The following CACNA2D2 variants were observed in gnomAD, a reference collection of about 807,000 sequenced individuals.
CACNA2D2 encodes voltage-dependent calcium channel subunit alpha-2/delta-2.
CACNA2D2 carries 48 observed loss-of-function variants against 166.4 expected under a neutral mutation model. The ratio of observed to expected loss-of-function variants is 0.29; its 90% confidence interval spans 0.23 to 0.37. The LOEUF (loss-of-function observed/expected upper bound fraction) is 0.37. Among genes scored for constraint, CACNA2D2 ranks in the 10% least tolerant of loss-of-function variants. The probability of loss-of-function intolerance (pLI) is 1.00; values close to 1 mark genes in which losing one functional copy is unlikely to be tolerated. For missense variants in CACNA2D2, 1,122 were observed against 1,433.0 expected (o/e 0.78, Z 3.50); for synonymous variants, 561 against 573.7 (o/e 0.98, Z 0.32).
chr3:50,400,350 G>A (rs1706387468), intron 3 of CACNA2D2, among the ~76,000 whole-genome samples: 1 of 152,318 alleles, frequency 6.6e-6, no homozygotes, highest in South Asian at 2.1e-4. Context: ...CTCCAAGCAG[G>A]TGCGTCCACA....
At chr3:50,431,856 G>T (rs963409671) in intron 3 of CACNA2D2, among the ~76,000 whole-genome samples, 6 of 151,500 alleles carry the variant, frequency 4.0e-5, no homozygotes, top group Non-Finnish European at 7.4e-5. Flanking sequence ...ATGGTGGTGG[G>T]CGCCTGTAAT....
chr3:50,415,008 C>T (rs1276158508), intron 3 of CACNA2D2, among the ~76,000 whole-genome samples: 1 of 152,170 alleles, frequency 6.6e-6, no homozygotes, highest in Non-Finnish European at 1.5e-5. Flanking sequence ...CAGCCATGGG[C>T]CCGTCTTTCC....
chr3:50,396,596 G>A (rs1259448943), intron 3 of CACNA2D2, among the ~76,000 whole-genome samples: 3 of 152,278 alleles, frequency 2.0e-5, no homozygotes, highest in South Asian at 4.1e-4. Context: ...GTGACCTTGT[G>A]TAGAGGGCAT....
intron 3 of CACNA2D2, among the ~76,000 whole-genome samples, chr3:50,432,076 A>C (rs1391088522): frequency 6.6e-6 from 1 of 151,996 alleles, no homozygotes; most frequent in Non-Finnish European, 1.5e-5. Flanking sequence ...GTGCAGTGGA[A>C]GGGAGAGACA....
intron 1 of CACNA2D2, among the ~76,000 whole-genome samples, chr3:50,496,292 C>T (rs1465570612): frequency 2.0e-5 from 3 of 151,798 alleles, no homozygotes; most frequent in African/African-American, 7.3e-5. Flanking sequence ...CACGAGAATG[C>T]CCATGCACAC....
At chr3:50,478,255 T>C (rs1040572244) in intron 1 of CACNA2D2, among the ~76,000 whole-genome samples, 2 of 152,046 alleles carry the variant, frequency 1.3e-5, no homozygotes, top group Non-Finnish European at 2.9e-5. Flanking sequence ...CAGCAGAAAA[T>C]TGACAGCCTG....
chr3:50,385,807 G>A (rs754023139), intron 5 of CACNA2D2, among the ~76,000 whole-genome samples: 40 of 152,304 alleles, frequency 2.6e-4, no homozygotes, highest in Middle Eastern at 3.4e-3. Flanking sequence ...CTCACGTTCC[G>A]CTCAGAGGAG....
chr3:50,417,976 T>C (rs1575656452), intron 3 of CACNA2D2, among the ~76,000 whole-genome samples: 1 of 151,876 alleles, frequency 6.6e-6, no homozygotes, highest in Admixed American at 6.5e-5. Context: ...TGTGCTACAG[T>C]GGGAGGAAGA....
chr3:50,404,619 G>T (rs1706605683), intron 3 of CACNA2D2, among the ~76,000 whole-genome samples: 1 of 152,206 alleles, frequency 6.6e-6, no homozygotes, highest in East Asian at 1.9e-4. Context: ...GGCAGGACAT[G>T]GGAGGGTGAC....
At chr3:50,414,209 A>G (rs1026203024) in intron 3 of CACNA2D2, among the ~76,000 whole-genome samples, 1 of 151,794 alleles carries the variant, frequency 6.6e-6, no homozygotes, top group African/African-American at 2.4e-5. Flanking sequence ...GTCATGCCCA[A>G]CCCCCACAGG....
At chr3:50,433,843 C>A (rs1218952101) in intron 3 of CACNA2D2, among the ~76,000 whole-genome samples, 2 of 152,152 alleles carry the variant, frequency 1.3e-5, no homozygotes, top group East Asian at 3.9e-4. Flanking sequence ...GGCAGAGCAG[C>A]CCCCATCCTT....
At chr3:50,374,853 G>A (rs992108213) in intron 21 of CACNA2D2, 40 bp from the exon 22 acceptor site, 14 of 1,474,480 alleles carry the variant, frequency 9.5e-6, no homozygotes, top group South Asian at 4.8e-5. Context: ...GGGGGGAGGC[G>A]GGCCACACTG....
rs587671755 is a variant in CACNA2D2, at chr3:50,388,163, G to A, written c.466-551C>T. ...TGCCTCCCAGCCCTCACCCGCCTGC[G>A]TCTGCCCCGCCTGTCCCTGGCCCAT... On this transcript the variant is annotated intron_variant, in intron 4 of 37. Coordinates refer to ENST00000424201, the MANE Select transcript of CACNA2D2 (RefSeq NM_006030.4). Among the ~76,000 whole-genome samples the A allele has an allele frequency of 1.5e-4, 23 of 152,256 alleles. No homozygotes were observed. The East Asian group carries it at 3.7e-3, about 24-fold the overall frequency.
rs1262922579 is a variant in CACNA2D2, at chr3:50,363,473, T to TGTGCACAGAGC, written c.*1192_*1193insGCTCTGTGCAC. ...GCTGTGCCCAGTCCCCACCTGTGTG[T>TGTGCACAGAGC]GTGTGTGTGTGTGTGTGTTCAGCAA... On this transcript the variant is annotated 3_prime_UTR_variant, in exon 38 of 38. Transcript: ENST00000424201. The TGTGCACAGAGC allele has an allele frequency of 1.1e-4, 44 of 387,466 alleles. No individual in the cohort carries two copies. Among genetic ancestry groups the TGTGCACAGAGC allele is most frequent in the East Asian group, 5.1e-4 (14 of 27,312 alleles). The allele number at this position is 387,466 out of a possible 1,614,324, so 24.0% of individuals were successfully genotyped here.
At chr3:50,451,706 G>A (rs1471810317) in intron 2 of CACNA2D2, among the ~76,000 whole-genome samples, 1 of 152,216 alleles carries the variant, frequency 6.6e-6, no homozygotes, top group Non-Finnish European at 1.5e-5. Flanking sequence ...TCCAGTGAGA[G>A]GATGGGGAGC....
intron 1 of CACNA2D2, among the ~76,000 whole-genome samples, chr3:50,493,097 C>A (rs747959869): frequency 6.6e-6 from 1 of 152,132 alleles, no homozygotes; most frequent in Non-Finnish European, 1.5e-5. Context: ...CATGGTCACC[C>A]ATCCCCTTAT....
At chr3:50,446,198 G>T in intron 2 of CACNA2D2, among the ~76,000 whole-genome samples, 1 of 152,236 alleles carries the variant, frequency 6.6e-6, no homozygotes, top group African/African-American at 2.4e-5. Flanking sequence ...CCACCTCCTT[G>T]TTGCCAGGTT....
intron 3 of CACNA2D2, among the ~76,000 whole-genome samples, chr3:50,395,267 C>T (rs1471244345): frequency 6.6e-6 from 1 of 152,202 alleles, no homozygotes. Context: ...CCATTGTGGC[C>T]CTCCTCAGAT....
At position 50,363,803 on chromosome 3, in the gene CACNA2D2, G is replaced by C. The variant is rs146056757; in HGVS notation, c.*863C>G. ...CACTGGTGGCTAGGGGTGGGACAGA[G>C]GGTTCTTCACCCCCTGCCCCAGCAT... On this transcript the variant is annotated 3_prime_UTR_variant, in exon 38 of 38. Transcript: ENST00000424201. 1 of 152,820 alleles carries C rather than the reference G, an allele frequency of 6.5e-6. No individual in the cohort carries two copies. The highest frequency in any genetic ancestry group is 1.5e-5 in the Non-Finnish European group (1 of 68,302). The allele number at this position is 152,820 out of a possible 1,614,324, so 9.5% of individuals were successfully genotyped here.
Sources: gnomAD v4.1 joint callset for allele counts (sites outside exome capture counted in the v4.1 genomes callset) on GRCh38, gnomAD v4.1.1 for gene constraint, MANE v1.5 for transcripts, NCBI Gene and HGNC (gene_info 2026-07-23, HGNC 2026-07-21) for gene names.